Variants in GLB1L2 observed in about 807,000 individuals in gnomAD.
GLB1L2 encodes the protein galactosidase beta 1 like 2, also known as beta-galactosidase-1-like protein 2.
A neutral mutation model predicts 84.1 loss-of-function variants in GLB1L2; 68 were observed. That is an observed-to-expected ratio of 0.81 (90% confidence interval 0.67 to 0.99). GLB1L2 has a LOEUF of 0.99. Among genes scored for constraint, GLB1L2 ranks in the 50% least tolerant of loss-of-function variants. The pLI is 0.00. For missense variants in GLB1L2, 762 were observed against 805.6 expected (o/e 0.95, Z 0.66); for synonymous variants, 290 against 318.0 (o/e 0.91, Z 0.94).
chr11:134,370,103 G>T lies in GLB1L2; in HGVS notation c.1109-190G>T, dbSNP rs1943928325. Among the ~76,000 whole-genome samples, 1 of 152,154 alleles carries T rather than the reference G, an allele frequency of 6.6e-6. No individual in the cohort carries two copies. Among genetic ancestry groups the T allele is most frequent in the African/African-American group, 2.4e-5 (1 of 41,446 alleles). ...TCCTTATCTCCTGTGGAGGACGGGA[G>T]AACGCCCTGGCTTTCCCCCAGGCCT... On this transcript the variant is annotated intron_variant, in intron 11 of 18. Transcript: ENST00000535456. The surrounding 1 kb of genome is among the most constrained non-coding windows in gnomAD (Gnocchi z 4.7).
chr11:134,369,136 A>C (rs1417503629), intron 10 of GLB1L2, among the ~76,000 whole-genome samples: 1 of 152,180 alleles, frequency 6.6e-6, no homozygotes, highest in Non-Finnish European at 1.5e-5. Flanking sequence ...AGTCCCAGAA[A>C]GTAGAAATTA....
At chr11:134,345,167 A>G (rs768918694) in intron 4 of GLB1L2, 38 bp downstream of exon 4, 2 of 1,550,758 alleles carry the variant, frequency 1.3e-6, no homozygotes, top group South Asian at 2.4e-5. Context: ...TGCTGTGGCA[A>G]AAAGCTCACA....
At chr11:134,362,395 C>T (rs1211565161) in intron 7 of GLB1L2, among the ~76,000 whole-genome samples, 2 of 152,334 alleles carry the variant, frequency 1.3e-5, no homozygotes, top group East Asian at 3.9e-4. Flanking sequence ...CCATCTCCTG[C>T]GCGAGGGGAT....
At chr11:134,337,648 G>A (rs1449374661) in intron 1 of GLB1L2, among the ~76,000 whole-genome samples, 1 of 152,182 alleles carries the variant, frequency 6.6e-6, no homozygotes, top group Non-Finnish European at 1.5e-5. Context: ...TGGGAGCCTA[G>A]AACCGAACCA....
intron 1 of GLB1L2, 148 bp downstream of exon 1, chr11:134,332,295 C>T (rs1943310635): frequency 2.9e-5 from 16 of 558,518 alleles, no homozygotes; most frequent in Non-Finnish European, 3.8e-5. Context: ...CCAATACCCC[C>T]GAGTTCCCCT....
At chr11:134,332,654 C>T (rs567884572) in intron 1 of GLB1L2, among the ~76,000 whole-genome samples, 2 of 152,284 alleles carry the variant, frequency 1.3e-5, no homozygotes, top group South Asian at 4.2e-4. Flanking sequence ...GAACAGTGTC[C>T]GTGGGCCTCC....
intron 10 of GLB1L2, among the ~76,000 whole-genome samples, chr11:134,369,485 G>A (rs1470268162): frequency 1.4e-5 from 2 of 143,706 alleles, no homozygotes; most frequent in Non-Finnish European, 2.9e-5. Flanking sequence ...GCGAGCTGCT[G>A]CACAAGCGAT....
Position 134,345,077 on chromosome 11 carries a change from C to A in GLB1L2, c.397C>A (p.Leu133Met). 2 of 1,613,624 alleles carry A rather than the reference C, an allele frequency of 1.2e-6. No individual in the cohort carries two copies. The highest frequency in any genetic ancestry group is 2.2e-5 in the South Asian group (2 of 90,974). ...MAAEIGLWVI[L>M]RPGPYICSEM... ...CGCAGAGATCGGGCTGTGGGTGATT[C>A]TGCGTCCAGGCCCCTACATCTGCAG... The change falls in exon 4 of 19, where the codon CTG becomes ATG. Residue 133 changes from leucine to methionine, a missense_variant. Physicochemically the swap from Leu to Met is conservative, Grantham distance 15. Around this residue, in one of 3 missense-constraint regions of GLB1L2, gnomAD observed 59 missense variants for 105.1 expected, o/e 0.56. Coordinates refer to ENST00000535456, the MANE Select transcript of GLB1L2 (RefSeq NM_001370461.1).
At chr11:134,363,280 G>C (rs1352606060) in intron 7 of GLB1L2, among the ~76,000 whole-genome samples, 2 of 152,232 alleles carry the variant, frequency 1.3e-5, no homozygotes, top group African/African-American at 2.4e-5. Flanking sequence ...TTGTGACCTA[G>C]AGGCAAGTTA....
chr11:134,364,249 A>C (rs1461782599), intron 7 of GLB1L2, 79 bp from the exon 8 acceptor site: 3 of 1,060,806 alleles, frequency 2.8e-6, no homozygotes, highest in African/African-American at 1.6e-5. Flanking sequence ...TGGTGGATTG[A>C]GAAGGGTCTG....
At chr11:134,349,232 C>T (rs1267393226) in intron 5 of GLB1L2, among the ~76,000 whole-genome samples, 3 of 152,184 alleles carry the variant, frequency 2.0e-5, no homozygotes, top group Non-Finnish European at 4.4e-5. Context: ...CACTTAACAG[C>T]GCCCTCAAGG....
chr11:134,357,228 C>T (rs1458833813), intron 6 of GLB1L2, among the ~76,000 whole-genome samples: 1 of 152,236 alleles, frequency 6.6e-6, no homozygotes, highest in African/African-American at 2.4e-5. Context: ...TGGGCAGCAT[C>T]CCTTCTGCTA....
chr11:134,365,469 C>T (rs116123569), intron 8 of GLB1L2, among the ~76,000 whole-genome samples: 106 of 152,286 alleles, frequency 7.0e-4, no homozygotes, highest in African/African-American at 2.4e-3. Context: ...GCTGTGTGAC[C>T]TTGGGCAAGT....
intron 1 of GLB1L2, among the ~76,000 whole-genome samples, chr11:134,336,661 G>A (rs11820437): frequency 0.028 from 4,303 of 152,172 alleles, 193 homozygotes; most frequent in African/African-American, 0.096. Context: ...AGGAGATTCC[G>A]AGCCCAACTC....
At chr11:134,333,998 A>G (rs1943342273) in intron 1 of GLB1L2, among the ~76,000 whole-genome samples, 2 of 152,172 alleles carry the variant, frequency 1.3e-5, no homozygotes, top group East Asian at 1.9e-4. Flanking sequence ...TCATGGGTAC[A>G]TTCTGCCAGT....
intron 17 of GLB1L2, 83 bp from the exon 18 acceptor site, chr11:134,374,519 C>A: frequency 9.0e-7 from 1 of 1,111,334 alleles, no homozygotes; most frequent in Non-Finnish European, 1.4e-6. Context: ...TCTCCTGGAC[C>A]TGAGAGAAGC....
intron 7 of GLB1L2, among the ~76,000 whole-genome samples, chr11:134,362,116 T>G (rs1171002250): frequency 1.3e-5 from 2 of 152,214 alleles, no homozygotes; most frequent in African/African-American, 4.8e-5. Context: ...CTACGTCTTT[T>G]CTGTTCTTTA....
chr11:134,360,695 C>T (rs1943773069), intron 7 of GLB1L2: 2 of 151,430 alleles, frequency 1.3e-5, no homozygotes, highest in Non-Finnish European at 2.9e-5. Flanking sequence ...ATTAAATGGT[C>T]TAAAAGTGAA....
chr11:134,332,332 G>T (rs1367314712), intron 1 of GLB1L2, among the ~76,000 whole-genome samples, 185 bp downstream of exon 1: 2 of 152,030 alleles, frequency 1.3e-5, no homozygotes, highest in Non-Finnish European at 2.9e-5. Context: ...TACTCCTGCC[G>T]CGCGATCCAG....
Sources: gnomAD v4.1 joint callset for allele counts (sites outside exome capture counted in the v4.1 genomes callset) on GRCh38, gnomAD v4.1.1 for gene constraint, gnomAD v4.1.1 regional missense constraint, Gnocchi (gnomAD v3.1) non-coding constraint, MANE v1.5 for transcripts, NCBI Gene and HGNC (gene_info 2026-07-23, HGNC 2026-07-21) for gene names.